Variants in HCFC2 observed in about 807,000 individuals in gnomAD.
HCFC2 encodes host cell factor C2, also known as host cell factor 2.
HCFC2 carries 18 observed loss-of-function variants against 89.2 expected under a neutral mutation model. The ratio of observed to expected loss-of-function variants is 0.20; its 90% CI spans 0.14 to 0.30. The LOEUF is 0.30. HCFC2 is among the 10% of genes least tolerant of loss of function. The pLI is 1.00. For missense variants in HCFC2, 578 were observed against 956.1 expected (o/e 0.60, Z 5.21); for synonymous variants, 308 against 335.7 (o/e 0.92, Z 0.90).
chr12:104,080,151 T>G (rs1883639528), intron 4 of HCFC2, among the ~76,000 whole-genome samples: 1 of 152,156 alleles, frequency 6.6e-6, no homozygotes. Flanking sequence ...CAGTGTACTC[T>G]TACTTAAAGT....
chr12:104,067,896 G>A (rs755436205), intron 2 of HCFC2, 51 bp from the exon 3 acceptor site: 9 of 1,514,462 alleles, frequency 5.9e-6, no homozygotes, highest in Admixed American at 4.5e-5. Flanking sequence ...GACAATATAG[G>A]AGTGCTTTCT....
At chr12:104,097,862 T>C (rs975733439) in intron 12 of HCFC2, among the ~76,000 whole-genome samples, 2 of 152,220 alleles carry the variant, frequency 1.3e-5, no homozygotes, top group Non-Finnish European at 2.9e-5. Context: ...TTTTTTCTCC[T>C]TTTAGGTTTG....
Position 104,068,181 on chromosome 12 carries a change from A to G in HCFC2, c.473+74A>G, listed in dbSNP as rs958890792. The G allele has an allele frequency of 3.0e-6, 4 of 1,321,634 alleles. No homozygotes were observed. In the African/African-American group the frequency reaches 4.5e-5, roughly 15 times the overall value. 81.9% of individuals were successfully genotyped at this position (1,321,634 alleles called of 1,614,324 possible). On this transcript the variant is annotated intron_variant, in intron 3 of 14. Coordinates refer to ENST00000229330, the MANE Select transcript of HCFC2 (RefSeq NM_013320.3). This position sits in a 1 kb window ranked among gnomAD's most constrained non-coding sequence, Gnocchi z 4.1. ...GAACATTTTATTTTTTCCATCTTTA[A>G]TTTTTAAAAGGGATGATGCTTAGCT...
At position 104,102,946 on chromosome 12, in the gene HCFC2, C is replaced by G. The variant is rs35223676; in HGVS notation, c.2065-13C>G. On this transcript the variant is annotated splice_polypyrimidine_tract_variant and intron_variant, in intron 14 of 14. Transcript: ENST00000229330. ...TAAGAACCTTTAACCTGTTTTTTCCCCCCCCCTTCAAGAATGTTGAAGGTA... is the reference window on the plus strand; with the variant it reads ...TAAGAACCTTTAACCTGTTTTTTCCGCCCCCCTTCAAGAATGTTGAAGGTA... 1.1e-4 allele frequency: 177 copies of G among 1,581,812 alleles called. 1 individual carries two copies. The highest frequency in any genetic ancestry group is 1.9e-4 in the South Asian group (17 of 87,878).
intron 3 of HCFC2, 142 bp from the exon 4 acceptor site, chr12:104,079,303 T>C (rs1437538524): frequency 1.6e-6 from 1 of 641,940 alleles, no homozygotes; most frequent in Non-Finnish European, 2.7e-6. Context: ...TGAATGAGGT[T>C]TGGGGTTTCT....
intron 3 of HCFC2, among the ~76,000 whole-genome samples, chr12:104,077,231 TG>T (rs1225280447): frequency 6.6e-6 from 1 of 151,918 alleles, no homozygotes; most frequent in African/African-American, 2.4e-5. Context: ...TTTGTTTGTT[TG>T]TTTGTTTTTT....
Position 104,069,720 on chromosome 12 carries a change from T to C in HCFC2, c.473+1613T>C, listed in dbSNP as rs550658892. On this transcript the variant is annotated intron_variant, in intron 3 of 14. Coordinates refer to ENST00000229330, the MANE Select transcript of HCFC2 (RefSeq NM_013320.3). Reference sequence around the variant, plus strand: ...ATTTTACTTTAAGTTCTGGAGTGCATGTGCAGAATGTGCAGGTTTGTTACA... The same window carrying C: ...ATTTTACTTTAAGTTCTGGAGTGCACGTGCAGAATGTGCAGGTTTGTTACA... 2.0e-5 allele frequency among the ~76,000 whole-genome samples: 3 copies of C among 152,228 alleles called. No individual in the cohort carries two copies. In the East Asian group the frequency reaches 5.8e-4, roughly 29 times the overall value.
chr12:104,066,685 GAACCTGTGAA>G (rs1883158803), intron 2 of HCFC2, among the ~76,000 whole-genome samples: 2 of 152,352 alleles, frequency 1.3e-5, no homozygotes, highest in Non-Finnish European at 2.9e-5. Context: ...AGCGCCTGGA[GAACCTGTGAA>G]AACACAGATT....
chr12:104,079,440 C>T lies in HCFC2; in HGVS notation c.474-5C>T. 6.2e-7 allele frequency: 1 copy of T among 1,602,730 alleles called. No individual in the cohort carries two copies. The highest frequency in any genetic ancestry group is 8.5e-7 in the Non-Finnish European group (1 of 1,171,774). On this transcript the variant is annotated splice_polypyrimidine_tract_variant and splice_region_variant and intron_variant, in intron 3 of 14. Transcript: ENST00000229330. ...AATGTTTTAATTTTTTCTATGATAT[C>T]CTAGATATTTAAATGATTTTTATGA...
intron 3 of HCFC2, among the ~76,000 whole-genome samples, chr12:104,074,080 A>G (rs920187506): frequency 2.0e-5 from 3 of 152,080 alleles, no homozygotes; most frequent in African/African-American, 7.2e-5. Context: ...TTACCTTTCT[A>G]TCATTAATTG....
intron 2 of HCFC2, among the ~76,000 whole-genome samples, chr12:104,066,628 T>A (rs1883157652): frequency 6.6e-6 from 1 of 152,226 alleles, no homozygotes; most frequent in Non-Finnish European, 1.5e-5. Context: ...TGTTATATAT[T>A]TAGGTTTTTG....
chr12:104,079,597 A>G lies in HCFC2; in HGVS notation c.626A>G (p.Tyr209Cys). ...AAAGATTCTGGAAGTCCTAAAATGTATGTTTTTGGTGGAATGTGTGGTGCT... is the reference window on the plus strand; with the variant it reads ...AAAGATTCTGGAAGTCCTAAAATGTGTGTTTTTGGTGGAATGTGTGGTGCT... Reference protein sequence around the residue: ...CKKDSGSPKMYVFGGMCGARL... With the variant: ...CKKDSGSPKMCVFGGMCGARL... Residue 209 changes from tyrosine (Y) to cysteine (C), a missense_variant, in exon 4 of 15, where the codon TAT (tyrosine) becomes TGT (cysteine). Around this residue, in one of 4 missense-constraint regions of HCFC2, gnomAD observed 206 missense variants for 419.2 expected, o/e 0.49. Coordinates refer to ENST00000229330, the MANE Select transcript of HCFC2 (RefSeq NM_013320.3). 1 of 1,614,124 alleles carries G rather than the reference A, an allele frequency of 6.2e-7. No homozygotes were observed. The highest frequency in any genetic ancestry group is 8.5e-7 in the Non-Finnish European group (1 of 1,180,006).
At chr12:104,065,672 G>A (rs919077933) in intron 1 of HCFC2, among the ~76,000 whole-genome samples, 7 of 152,246 alleles carry the variant, frequency 4.6e-5, no homozygotes, top group African/African-American at 9.6e-5. Flanking sequence ...CTGACACTTT[G>A]GTCTTAGTGT....
chr12:104,097,401 G>A (rs942106368), intron 12 of HCFC2, among the ~76,000 whole-genome samples: 1 of 151,952 alleles, frequency 6.6e-6, no homozygotes, highest in African/African-American at 2.4e-5. Context: ...AGCCAGAATT[G>A]TATTTGTTAT....
rs766502251 is a variant in HCFC2, at chr12:104,086,898, C to T, written c.1115C>T (p.Ser372Phe). 1 of 1,613,966 alleles carries T rather than the reference C, an allele frequency of 6.2e-7. No homozygotes were observed. Among genetic ancestry groups the T allele is most frequent in the African/African-American group, 1.3e-5 (1 of 75,016 alleles). Reference sequence around the variant, plus strand: ...CAGCTGATCAAAGCCACTACCAACTCCTTTCATGTCAAGTGGGATGAAGTG... The same window carrying T: ...CAGCTGATCAAAGCCACTACCAACTTCTTTCATGTCAAGTGGGATGAAGTG... ...QVQLIKATTN[S>F]FHVKWDEVST... Residue 372 changes from serine to phenylalanine, a missense_variant, in exon 8 of 15, where the codon TCC becomes TTC. Transcript: ENST00000229330.
At chr12:104,094,116 G>T (rs1404847307) in intron 10 of HCFC2, among the ~76,000 whole-genome samples, 1 of 152,136 alleles carries the variant, frequency 6.6e-6, no homozygotes, top group Non-Finnish European at 1.5e-5. Flanking sequence ...AGCAAGAACA[G>T]ATTTTGGAAA....
intron 6 of HCFC2, 44 bp downstream of exon 6, chr12:104,082,650 A>G: frequency 6.4e-7 from 1 of 1,567,758 alleles, no homozygotes; most frequent in Non-Finnish European, 8.7e-7. Flanking sequence ...CTTTATTAAT[A>G]AGATAATTTT....
intron 3 of HCFC2, among the ~76,000 whole-genome samples, chr12:104,072,521 A>G (rs1883351781): frequency 6.6e-6 from 1 of 152,134 alleles, no homozygotes; most frequent in African/African-American, 2.4e-5. Flanking sequence ...CCATTTATTT[A>G]AATCTTTTAA....
intron 8 of HCFC2, among the ~76,000 whole-genome samples, chr12:104,087,352 T>TA (rs67436445): frequency 1.9e-4 from 24 of 129,078 alleles, no homozygotes; most frequent in Middle Eastern, 3.7e-3. Context: ...GACTCTGTCT[T>TA]AAAAAAAAAA....
Sources: allele counts gnomAD v4.1 joint callset (sites outside exome capture counted in the v4.1 genomes callset), GRCh38; gene constraint gnomAD v4.1.1; regional missense constraint gnomAD v4.1.1; non-coding constraint Gnocchi (gnomAD v3.1); transcripts MANE v1.5; gene names NCBI Gene and HGNC (gene_info 2026-07-23, HGNC 2026-07-21).